Variants in CLVS1 observed in about 807,000 individuals in gnomAD.
CLVS1 encodes clavesin 1.
Under a neutral mutation model 33.1 loss-of-function variants are expected in CLVS1, and 10 were observed. The ratio of observed to expected loss-of-function variants is 0.30; its 90% confidence interval spans 0.19 to 0.51. The LOEUF (loss-of-function observed/expected upper bound fraction) is 0.51. Among genes scored for constraint, CLVS1 ranks in the 20% least tolerant of loss-of-function variants. The probability of loss-of-function intolerance (pLI) is 0.97; values close to 1 mark genes in which losing one functional copy is unlikely to be tolerated. For synonymous variants in CLVS1, 163 were observed against 166.1 expected (o/e 0.98, Z 0.14); for missense variants, 343 against 433.4 (o/e 0.79, Z 1.85).
chr8:61,410,280 T>A (rs1815169931), intron 3 of CLVS1, among the ~76,000 whole-genome samples: 1 of 152,178 alleles, frequency 6.6e-6, no homozygotes, highest in African/African-American at 2.4e-5. Context: ...TGCCTAGTCG[T>A]TCCAACACAA....
chr8:61,197,912 A>C (rs1471206722), intron 2 of CLVS1, among the ~76,000 whole-genome samples: 1 of 152,198 alleles, frequency 6.6e-6, no homozygotes, highest in Non-Finnish European at 1.5e-5. Context: ...CCCAAAGTGC[A>C]CAGACTCTTC....
intron 5 of CLVS1, among the ~76,000 whole-genome samples, chr8:61,473,527 A>G (rs776963955): frequency 2.0e-5 from 3 of 152,134 alleles, no homozygotes; most frequent in Admixed American, 1.3e-4. Context: ...CAATGAATAG[A>G]TAAGTTTATT....
chr8:61,456,395 T>G (rs901968247), intron 4 of CLVS1, among the ~76,000 whole-genome samples: 1 of 152,208 alleles, frequency 6.6e-6, no homozygotes, highest in African/African-American at 2.4e-5. Context: ...AAAAGTGACT[T>G]TCTTCAAAAG....
chr8:61,466,643 G>C (rs996781239), intron 5 of CLVS1, among the ~76,000 whole-genome samples: 21 of 152,184 alleles, frequency 1.4e-4, no homozygotes, highest in African/African-American at 5.1e-4. Flanking sequence ...AGATATTATT[G>C]TTATTTTATT....
the CLVS1 span, among the ~76,000 whole-genome samples, chr8:60,975,479 C>G: frequency 6.6e-6 from 1 of 152,112 alleles, no homozygotes; most frequent in Non-Finnish European, 1.5e-5. Context: ...AACAGACACA[C>G]AGACACACAG....
At chr8:61,434,936 A>G (rs1816265315) in intron 3 of CLVS1, among the ~76,000 whole-genome samples, 1 of 152,238 alleles carries the variant, frequency 6.6e-6, no homozygotes, top group Non-Finnish European at 1.5e-5. Flanking sequence ...ATATCAAGAT[A>G]TGGCAAGGAA....
intron 2 of CLVS1, among the ~76,000 whole-genome samples, chr8:61,189,431 A>G (rs1269750484): frequency 6.6e-6 from 1 of 152,234 alleles, no homozygotes; most frequent in Non-Finnish European, 1.5e-5. Flanking sequence ...GCCAAATTCT[A>G]AAGACCATGG....
At chr8:60,979,540 G>T in the CLVS1 span, among the ~76,000 whole-genome samples, 1 of 152,192 alleles carries the variant, frequency 6.6e-6, no homozygotes, top group East Asian at 1.9e-4. Context: ...TTTGAGTCTT[G>T]AGTTAGGTAA....
chr8:61,467,748 G>C (rs1175969293), intron 5 of CLVS1, among the ~76,000 whole-genome samples: 1 of 152,222 alleles, frequency 6.6e-6, no homozygotes, highest in Non-Finnish European at 1.5e-5. Flanking sequence ...CATCTTGGCT[G>C]TACCACATTG....
At chr8:61,374,753 TA>T (rs1367727692) in intron 2 of CLVS1, among the ~76,000 whole-genome samples, 1 of 152,216 alleles carries the variant, frequency 6.6e-6, no homozygotes, top group African/African-American at 2.4e-5. Flanking sequence ...CAATTTTTTT[TA>T]ATCTAGAGAT....
chr8:61,155,937 C>T (rs1806638753), intron 2 of CLVS1, among the ~76,000 whole-genome samples: 1 of 152,094 alleles, frequency 6.6e-6, no homozygotes, highest in Admixed American at 6.6e-5. Context: ...TGGGCCTGGC[C>T]CATAATGGCT....
chr8:61,000,492 C>T, the CLVS1 span, among the ~76,000 whole-genome samples: 24 of 151,994 alleles, frequency 1.6e-4, no homozygotes, highest in African/African-American at 3.9e-4. Flanking sequence ...GCACAGGAGA[C>T]GTGAGAGGGA....
upstream of CLVS1, among the ~76,000 whole-genome samples, chr8:61,052,628 G>A (rs951420817): frequency 1.3e-5 from 2 of 152,204 alleles, no homozygotes; most frequent in African/African-American, 4.8e-5. Context: ...TGAGCAAGAG[G>A]GCTGACCAGG....
At chr8:61,153,979 T>C (rs1441602059) in intron 2 of CLVS1, among the ~76,000 whole-genome samples, 2 of 152,204 alleles carry the variant, frequency 1.3e-5, no homozygotes, top group Non-Finnish European at 2.9e-5. Flanking sequence ...GCTACATCCC[T>C]AGGTTTTTAA....
intron 2 of CLVS1, among the ~76,000 whole-genome samples, chr8:61,269,625 G>A (rs376880999): frequency 6.6e-5 from 10 of 150,826 alleles, no homozygotes; most frequent in South Asian, 4.3e-4. Flanking sequence ...CCATTTTCAC[G>A]ATATTGATTC....
At chr8:61,454,103 C>A in intron 3 of CLVS1, 38 bp from the exon 4 acceptor site, 1 of 1,400,588 alleles carries the variant, frequency 7.1e-7, no homozygotes, top group Non-Finnish European at 1.0e-6. Context: ...ACAAGGTGTG[C>A]TTACTAATCG....
chr8:61,364,685 G>C (rs1813119511), intron 2 of CLVS1, among the ~76,000 whole-genome samples: 1 of 152,190 alleles, frequency 6.6e-6, no homozygotes, highest in African/African-American at 2.4e-5. Context: ...GTGTGAATTA[G>C]CCATATTTTT....
At chr8:61,068,105 G>A (rs1203354080) in intron 1 of CLVS1, among the ~76,000 whole-genome samples, 1 of 151,128 alleles carries the variant, frequency 6.6e-6, no homozygotes, top group Non-Finnish European at 1.5e-5. Flanking sequence ...CCAGAAGATC[G>A]AGGCTGCACT....
At chr8:61,187,169 T>C (rs1004716759) in intron 2 of CLVS1, among the ~76,000 whole-genome samples, 4 of 152,084 alleles carry the variant, frequency 2.6e-5, no homozygotes, top group African/African-American at 9.7e-5. Context: ...ATCCATTCAA[T>C]GAGCATTTTG....
Sources: gnomAD v4.1 joint callset for allele counts (sites outside exome capture counted in the v4.1 genomes callset) on GRCh38, gnomAD v4.1.1 for gene constraint, MANE v1.5 for transcripts, NCBI Gene and HGNC (gene_info 2026-07-23, HGNC 2026-07-21) for gene names.